Variants in RBM41 observed in about 807,000 individuals in gnomAD.
RBM41 encodes RNA binding motif protein 41, also known as RNA-binding protein 41.
A neutral mutation model predicts 30.8 loss-of-function variants in RBM41; 14 were observed. That is an observed-to-expected ratio of 0.45 (90% CI 0.30 to 0.71). The LOEUF (loss-of-function observed/expected upper bound fraction) is 0.71, where lower values mean the gene tolerates loss of function less well. Among genes scored for constraint, RBM41 ranks in the 30% least tolerant of loss-of-function variants. The pLI is 0.08. For missense variants in RBM41, 276 were observed against 326.3 expected (o/e 0.85, Z 1.19); for synonymous variants, 120 against 110.1 (o/e 1.09, Z -0.56).
At chrX:107,098,250 A>C in intron 5 of RBM41, among the ~76,000 whole-genome samples, 1 of 111,995 alleles carries the variant, frequency 8.9e-6, no homozygotes, top group East Asian at 2.8e-4. Context: ...TGCTCGATGG[A>C]ATCCCAATCA....
At chrX:107,112,328 A>G (rs945641203) in intron 5 of RBM41, among the ~76,000 whole-genome samples, 4 of 111,680 alleles carry the variant, frequency 3.6e-5, no homozygotes. Context: ...TTAAAACTAC[A>G]ATGAGGTACC....
At chrX:107,069,432 T>C (rs755741970) in intron 6 of RBM41, 30 bp from the exon 7 acceptor site, 16 of 1,169,927 alleles carry the variant, frequency 1.4e-5, no homozygotes, top group East Asian at 1.2e-4. Context: ...AACCAAAATA[T>C]CATATAAAGG....
chrX:107,078,979 A>G (rs1043767236), intron 6 of RBM41, among the ~76,000 whole-genome samples: 1 of 110,515 alleles, frequency 9.0e-6, no homozygotes, highest in African/African-American at 3.3e-5. Context: ...GCACTACAAG[A>G]TGCACAAGGC....
intron 1 of RBM41, among the ~76,000 whole-genome samples, chrX:107,118,484 G>A (rs949146030): frequency 9.0e-6 from 1 of 110,850 alleles, no homozygotes; most frequent in Admixed American, 9.5e-5. Context: ...AGCTGGGTCC[G>A]GGTGAAACGA....
intron 6 of RBM41, among the ~76,000 whole-genome samples, chrX:107,080,814 T>C (rs1439248281): frequency 8.9e-6 from 1 of 111,804 alleles, no homozygotes; most frequent in East Asian, 2.8e-4. Context: ...TTGCCATGTA[T>C]ATATCTTCTG....
At chrX:107,102,820 T>A (rs1468884797) in intron 5 of RBM41, among the ~76,000 whole-genome samples, 1 of 111,639 alleles carries the variant, frequency 9.0e-6, no homozygotes, top group African/African-American at 3.3e-5. Context: ...GAATTTGCCA[T>A]GCTAGGCTAC....
At chrX:107,052,948 GT>G in the RBM41 span, among the ~76,000 whole-genome samples, 1 of 111,982 alleles carries the variant, frequency 8.9e-6, no homozygotes, top group East Asian at 2.8e-4. Flanking sequence ...AAATAAACAG[GT>G]TCCCCCTCTT....
chrX:107,074,505 T>A (rs761335374), intron 6 of RBM41, among the ~76,000 whole-genome samples: 4 of 111,348 alleles, frequency 3.6e-5, no homozygotes, highest in East Asian at 2.8e-4. Flanking sequence ...ACTATATTAA[T>A]GGAAATAATA....
At chrX:107,082,371 T>C (rs957680038) in intron 6 of RBM41, among the ~76,000 whole-genome samples, 14 of 112,097 alleles carry the variant, frequency 1.2e-4, no homozygotes, top group Non-Finnish European at 2.6e-4. Flanking sequence ...TACTTGATCA[T>C]AGTATATAAT....
chrX:107,058,293 CAAAAAAA>C (rs201428990), downstream of RBM41, among the ~76,000 whole-genome samples: 47 of 45,694 alleles, frequency 1.0e-3, no homozygotes, highest in African/African-American at 2.6e-3. Context: ...AACTCCGTCT[CAAAAAAA>C]AAAAAAAAAA....
At chrX:107,088,876 G>A (rs374956990) in intron 5 of RBM41, 37 bp from the exon 6 acceptor site, 1 of 1,157,607 alleles carries the variant, frequency 8.6e-7, no homozygotes, top group South Asian at 2.1e-5. Context: ...GTTCTACAAA[G>A]CCTACCAATA....
intron 6 of RBM41, among the ~76,000 whole-genome samples, chrX:107,081,495 G>A (rs767359642): frequency 2.7e-5 from 3 of 110,954 alleles, no homozygotes; most frequent in Non-Finnish European, 5.7e-5. Context: ...ACATGTTCTG[G>A]GTCTTTTGTC....
chrX:107,052,461 A>G, the RBM41 span, among the ~76,000 whole-genome samples: 3 of 110,667 alleles, frequency 2.7e-5, no homozygotes, highest in Non-Finnish European at 5.7e-5. Context: ...CCCCCTCTCA[A>G]CAGGAAAACC....
At chrX:107,102,406 G>A (rs1224833043) in intron 5 of RBM41, among the ~76,000 whole-genome samples, 3 of 111,481 alleles carry the variant, frequency 2.7e-5, no homozygotes, top group Non-Finnish European at 3.8e-5. Context: ...TACAGATAGC[G>A]TGCTCTGGAA....
chrX:107,058,950 C>T (rs978063057), downstream of RBM41, among the ~76,000 whole-genome samples: 1 of 111,077 alleles, frequency 9.0e-6, no homozygotes, highest in Non-Finnish European at 1.9e-5. Context: ...TAAACTCCCA[C>T]AGTGCTTTGC....
chrX:107,084,350 G>T (rs1027411238), intron 6 of RBM41, among the ~76,000 whole-genome samples: 1 of 110,868 alleles, frequency 9.0e-6, no homozygotes. Flanking sequence ...ACCTTCACAA[G>T]CACTTCACAG....
chrX:107,090,432 G>A (rs919669944), intron 5 of RBM41, among the ~76,000 whole-genome samples: 10 of 111,632 alleles, frequency 9.0e-5, no homozygotes, highest in African/African-American at 2.9e-4. Context: ...TAATGAAATC[G>A]TGTATTTTCA....
the RBM41 span, among the ~76,000 whole-genome samples, chrX:107,053,480 A>G: frequency 1.8e-5 from 2 of 113,160 alleles, no homozygotes; most frequent in Admixed American, 1.9e-4. Context: ...GGTCCTACTA[A>G]AACGGAAGTG....
chrX:107,065,563 CATT>C lies in RBM41; in HGVS notation c.*1961_*1963del, dbSNP rs1935804694. Reference sequence around the variant, plus strand: ...TCCTATACATTACAAACCCAACACACATTATTATAATTACTTAATATAATTTTA... The same window carrying C: ...TCCTATACATTACAAACCCAACACACATTATAATTACTTAATATAATTTTA... On this transcript the variant is annotated 3_prime_UTR_variant, in exon 8 of 8. Coordinates refer to ENST00000685964, the MANE Select transcript of RBM41 (RefSeq NM_001324242.2). The C allele has an allele frequency of 2.9e-6, 1 of 348,810 alleles. No individual in the cohort carries two copies. The highest frequency in any genetic ancestry group is 4.8e-6 in the Non-Finnish European group (1 of 208,503). 28.7% of individuals were successfully genotyped at this position (348,810 alleles called of 1,213,427 possible). A position where few individuals can be genotyped will look rare whatever the true frequency, so the allele number is the denominator to read the frequency against.
Sources: gnomAD v4.1 joint callset for allele counts (sites outside exome capture counted in the v4.1 genomes callset) on GRCh38, gnomAD v4.1.1 for gene constraint, MANE v1.5 for transcripts, NCBI Gene and HGNC (gene_info 2026-07-23, HGNC 2026-07-21) for gene names.